The following NCALD variants were observed in gnomAD, a reference collection of about 807,000 sequenced individuals.
The protein encoded by NCALD is neurocalcin delta.
A neutral mutation model predicts 18.6 loss-of-function variants in NCALD; 10 were observed. That is an observed-to-expected ratio of 0.54 (90% CI 0.33 to 0.91). The LOEUF (loss-of-function observed/expected upper bound fraction) is 0.91. Among genes scored for constraint, NCALD ranks in the 40% least tolerant of loss-of-function variants. The pLI, the probability that NCALD is intolerant of heterozygous loss-of-function variation, is 0.03. For missense variants in NCALD, 184 were observed against 247.6 expected (o/e 0.74, Z 1.72); for synonymous variants, 88 against 87.4 (o/e 1.01, Z -0.04).
intron 2 of NCALD, among the ~76,000 whole-genome samples, chr8:101,981,098 G>GTT (rs1258535361): frequency 1.3e-5 from 2 of 152,102 alleles, no homozygotes; most frequent in African/African-American, 4.8e-5. Flanking sequence ...CTTTTCATGG[G>GTT]TTTTATCTCT....
intron 3 of NCALD, among the ~76,000 whole-genome samples, chr8:101,895,370 A>G (rs1817119769): frequency 6.9e-6 from 1 of 144,896 alleles, no homozygotes; most frequent in South Asian, 2.1e-4. Context: ...ATTTCAAAAT[A>G]ATAAGAGCTA....
At chr8:101,870,339 GTCTTA>G (rs1815953522) in intron 4 of NCALD, among the ~76,000 whole-genome samples, 1 of 152,192 alleles carries the variant, frequency 6.6e-6, no homozygotes, top group Non-Finnish European at 1.5e-5. Flanking sequence ...CATAGTTTCT[GTCTTA>G]TCTTAGGGGA....
chr8:101,769,430 C>G (rs557268217), intron 1 of NCALD, among the ~76,000 whole-genome samples: 4 of 152,098 alleles, frequency 2.6e-5, no homozygotes, highest in Non-Finnish European at 5.9e-5. Flanking sequence ...AATATACTAC[C>G]TATAAGCTTT....
In NCALD at chr8:101,843,522, A is replaced by G. The variant is rs1005686310; in HGVS notation, c.-20+43619T>C. On this transcript the variant is annotated intron_variant, in intron 4 of 6. Transcript: ENST00000311028. ...GGGCCATGAATATTTTATTTACTGC[A>G]GCTTCTCTTCTTCTGTGCTACATTG... Among the ~76,000 whole-genome samples the G allele has an allele frequency of 7.9e-5, 12 of 151,474 alleles. No homozygotes were observed. The East Asian group carries it at 2.3e-3, about 29-fold the overall frequency.
At chr8:102,040,279 G>A (rs1823002992) in intron 1 of NCALD, among the ~76,000 whole-genome samples, 3 of 152,036 alleles carry the variant, frequency 2.0e-5, no homozygotes, top group Admixed American at 2.0e-4. Flanking sequence ...TTTGAGACCA[G>A]CCTGGCCAAC....
At chr8:101,732,964 G>A (rs1422360052) in intron 1 of NCALD, among the ~76,000 whole-genome samples, 1 of 152,080 alleles carries the variant, frequency 6.6e-6, no homozygotes, top group African/African-American at 2.4e-5. Flanking sequence ...TGTGAGATAT[G>A]CTATATCTTG....
At chr8:101,801,552 A>C (rs183852975) in intron 4 of NCALD, among the ~76,000 whole-genome samples, 22 of 152,052 alleles carry the variant, frequency 1.4e-4, no homozygotes, top group Admixed American at 2.6e-4. Context: ...TTAGAAAGAC[A>C]AATAGAAAAT....
intron 2 of NCALD, among the ~76,000 whole-genome samples, chr8:101,987,666 A>AT (rs1820865681): frequency 6.6e-6 from 1 of 152,200 alleles, no homozygotes; most frequent in Non-Finnish European, 1.5e-5. Context: ...CCCTGTCAGT[A>AT]TACTGCACAT....
chr8:102,014,697 C>A (rs1822020879), intron 2 of NCALD, among the ~76,000 whole-genome samples: 1 of 151,956 alleles, frequency 6.6e-6, no homozygotes, highest in Non-Finnish European at 1.5e-5. Flanking sequence ...GTGCACTATA[C>A]CCCCCACCCC....
chr8:101,975,849 T>A (rs948975199), intron 2 of NCALD, among the ~76,000 whole-genome samples: 1 of 152,172 alleles, frequency 6.6e-6, no homozygotes, highest in Non-Finnish European at 1.5e-5. Context: ...TATCTTCTCT[T>A]TGTATTTCAC....
chr8:101,745,327 C>T (rs887538286), intron 1 of NCALD, among the ~76,000 whole-genome samples: 3 of 152,112 alleles, frequency 2.0e-5, no homozygotes, highest in Non-Finnish European at 2.9e-5. Flanking sequence ...CAGCAGTTTT[C>T]ATTATGTGGA....
intron 1 of NCALD, among the ~76,000 whole-genome samples, chr8:102,111,834 A>G (rs1305307946): frequency 6.6e-6 from 1 of 152,204 alleles, no homozygotes; most frequent in Non-Finnish European, 1.5e-5. Context: ...TGATACATAC[A>G]TCTTCACAAA....
At chr8:101,990,335 A>C (rs2131980284) in intron 2 of NCALD, among the ~76,000 whole-genome samples, 1 of 152,330 alleles carries the variant, frequency 6.6e-6, no homozygotes, top group Middle Eastern at 3.4e-3. Context: ...GGGAGATAGC[A>C]TTCCACTGAA....
At chr8:102,113,690 A>G (rs140560152) in intron 1 of NCALD, among the ~76,000 whole-genome samples, 2 of 152,316 alleles carry the variant, frequency 1.3e-5, no homozygotes, top group South Asian at 4.1e-4. Context: ...ATTACTGGAA[A>G]GTCCTCCCCT....
At chr8:102,008,282 C>T (rs1262345663) in intron 2 of NCALD, among the ~76,000 whole-genome samples, 2 of 152,100 alleles carry the variant, frequency 1.3e-5, no homozygotes, top group Non-Finnish European at 2.9e-5. Flanking sequence ...AATCTATGAG[C>T]TCTCCGTTCC....
Position 101,840,337 on chromosome 8 carries a change from C to T in NCALD, c.-20+46804G>A, listed in dbSNP as rs182739921. ...GGTAATTCTTTAAGAAATGAAGAGT[C>T]CACTGCAAACTCTGACAATTAAGTA... On this transcript the variant is annotated intron_variant, in intron 4 of 6. Transcript: ENST00000311028. Among the ~76,000 whole-genome samples, 190 of 152,286 alleles carry T rather than the reference C, an allele frequency of 1.2e-3. 2 individuals are homozygous for T. The highest frequency in any genetic ancestry group is 4.4e-3 in the African/African-American group (183 of 41,576).
At chr8:101,790,240 G>T (rs569760120) in intron 1 of NCALD, among the ~76,000 whole-genome samples, 5 of 152,264 alleles carry the variant, frequency 3.3e-5, no homozygotes, top group Admixed American at 1.3e-4. Flanking sequence ...ACATGTAAAA[G>T]GTTCCACCCC....
rs188807790 is a variant in NCALD, at chr8:101,869,992, T to C, written c.-20+17149A>G. On this transcript the variant is annotated intron_variant, in intron 4 of 6. Coordinates refer to the NCALD transcript ENST00000311028. ...GTCTCAAATTTCTCAAATACTTACA[T>C]GTGTTTTCTGTTCCCAGGAAACAGA... Among the ~76,000 whole-genome samples, 4 of 152,356 alleles carry C rather than the reference T, an allele frequency of 2.6e-5. No homozygotes were observed. In the East Asian group the frequency reaches 7.7e-4, roughly 29 times the overall value.
At position 101,910,858 on chromosome 8, in the gene NCALD, C is replaced by G. The variant is rs529258153; in HGVS notation, c.-107+4951G>C. ...AGCTCTGAAGACCACCACAGGGCAA[C>G]GACCCTGAGAAATCCTAAGACTTTC... On this transcript the variant is annotated intron_variant, in intron 3 of 6. Coordinates refer to the NCALD transcript ENST00000311028. Among the ~76,000 whole-genome samples the G allele has an allele frequency of 3.1e-4, 47 of 152,316 alleles. 1 individual carries two copies. The highest frequency in any genetic ancestry group is 1.0e-3 in the African/African-American group (42 of 41,578).
Sources: gnomAD v4.1 joint callset for allele counts (sites outside exome capture counted in the v4.1 genomes callset) on GRCh38, gnomAD v4.1.1 for gene constraint, MANE v1.5 for transcripts, NCBI Gene and HGNC (gene_info 2026-07-23, HGNC 2026-07-21) for gene names.